Variants in PDE4B observed in about 807,000 individuals in gnomAD.
PDE4B encodes 3',5'-cyclic-AMP phosphodiesterase 4B.
Under a neutral mutation model 82.2 loss-of-function variants are expected in PDE4B, and 20 were observed. That is an observed-to-expected ratio of 0.24 (90% CI 0.17 to 0.35). The LOEUF is 0.35. PDE4B is among the 10% of genes least tolerant of loss of function. The probability of loss-of-function intolerance (pLI) is 1.00; values close to 1 mark genes in which losing one functional copy is unlikely to be tolerated. For missense variants in PDE4B, 655 were observed against 907.2 expected, an observed-to-expected ratio of 0.72 and a Z score of 3.57; for synonymous variants, 320 against 318.9, an observed-to-expected ratio of 1.00 and a Z score of -0.04.
At chr1:66,072,197 T>C (rs996251280) in intron 3 of PDE4B, among the ~76,000 whole-genome samples, 2 of 152,088 alleles carry the variant, frequency 1.3e-5, no homozygotes, top group African/African-American at 4.8e-5. Flanking sequence ...ATGAATACCA[T>C]GTAGGCTGCT....
At position 66,233,311 on chromosome 1, in the gene PDE4B, T is replaced by C. The variant is rs72641143; in HGVS notation, c.282-14149T>C. Among the ~76,000 whole-genome samples, 1,742 of 152,344 alleles carry C rather than the reference T, an allele frequency of 0.011. 61 individuals carry two copies. In the East Asian group the frequency reaches 0.12, roughly 10 times the overall value. Reference sequence around the variant, plus strand: ...TCCATGTTACGGCAGTTGTCAGTAGTGCATTCTTATTTATTGCTAAGTGGT... The same window carrying C: ...TCCATGTTACGGCAGTTGTCAGTAGCGCATTCTTATTTATTGCTAAGTGGT... On this transcript the variant is annotated intron_variant, in intron 3 of 16. Transcript: ENST00000341517.
intron 7 of PDE4B, among the ~76,000 whole-genome samples, chr1:66,290,046 G>A (rs1204913685): frequency 6.6e-6 from 1 of 152,146 alleles, no homozygotes; most frequent in Non-Finnish European, 1.5e-5. Flanking sequence ...TTAAAAGAGG[G>A]AACATTGAAA....
intron 1 of PDE4B, among the ~76,000 whole-genome samples, chr1:65,852,096 G>A (rs1446258983): frequency 2.6e-5 from 4 of 151,414 alleles, no homozygotes; most frequent in African/African-American, 9.7e-5. Context: ...TCCCTTTTTT[G>A]TTTAGTGCTG....
At chr1:66,118,906 C>A (rs1421918703) in intron 3 of PDE4B, among the ~76,000 whole-genome samples, 1 of 151,910 alleles carries the variant, frequency 6.6e-6, no homozygotes, top group Non-Finnish European at 1.5e-5. Context: ...TTCAAAATCA[C>A]CTCAAATGTT....
intron 3 of PDE4B, among the ~76,000 whole-genome samples, chr1:66,035,959 T>G (rs1279041372): frequency 6.6e-6 from 1 of 152,194 alleles, no homozygotes; most frequent in East Asian, 1.9e-4. Context: ...TACAGTAGCA[T>G]CAATAATATA....
intron 3 of PDE4B, among the ~76,000 whole-genome samples, chr1:65,975,632 G>A (rs1557470872): frequency 6.6e-6 from 1 of 152,188 alleles, no homozygotes; most frequent in African/African-American, 2.4e-5. Flanking sequence ...GGGAAAAATG[G>A]TTTTGTGGAC....
chr1:65,843,816 A>T (rs1484242186), intron 1 of PDE4B, among the ~76,000 whole-genome samples: 1 of 152,142 alleles, frequency 6.6e-6, no homozygotes, highest in African/African-American at 2.4e-5. Flanking sequence ...CTTTTGGTTA[A>T]ATATAATTAT....
chr1:66,148,942 A>G (rs908398200), intron 3 of PDE4B, among the ~76,000 whole-genome samples: 2 of 152,210 alleles, frequency 1.3e-5, no homozygotes, highest in Non-Finnish European at 2.9e-5. Flanking sequence ...GTTTTTGACT[A>G]TCATGAACAA....
chr1:65,905,056 T>G (rs1343735573), intron 1 of PDE4B, among the ~76,000 whole-genome samples: 1 of 152,150 alleles, frequency 6.6e-6, no homozygotes, highest in African/African-American at 2.4e-5. Flanking sequence ...CTCAAGCCTA[T>G]CTAGTCTACT....
chr1:66,311,045 A>T (rs1658632588), intron 7 of PDE4B, among the ~76,000 whole-genome samples: 1 of 152,192 alleles, frequency 6.6e-6, no homozygotes, highest in South Asian at 2.1e-4. Context: ...TTAATTTTGT[A>T]TCCATGGGAT....
chr1:66,286,258 T>C (rs1656665837), intron 7 of PDE4B, among the ~76,000 whole-genome samples: 1 of 152,186 alleles, frequency 6.6e-6, no homozygotes, highest in Non-Finnish European at 1.5e-5. Flanking sequence ...ACTTTTTGTA[T>C]GTTTTGTTTT....
At chr1:65,887,223 TTTC>T (rs1295593496) in intron 1 of PDE4B, among the ~76,000 whole-genome samples, 695 of 22,936 alleles carry the variant, frequency 0.03, 10 homozygotes, top group African/African-American at 0.087. Context: ...TCTTTCTTTC[TTTC>T]TTTCTTTCTT....
chr1:66,105,374 G>A (rs545120848), intron 3 of PDE4B, among the ~76,000 whole-genome samples: 2 of 152,090 alleles, frequency 1.3e-5, no homozygotes, highest in Admixed American at 1.3e-4. Context: ...CAGGTAGCGT[G>A]ATGCCTCCAG....
intron 1 of PDE4B, among the ~76,000 whole-genome samples, chr1:65,818,777 A>G (rs1440533593): frequency 6.6e-6 from 1 of 151,800 alleles, no homozygotes; most frequent in Non-Finnish European, 1.5e-5. Context: ...ATGTTATTAT[A>G]CAGGTAAAGA....
intron 7 of PDE4B, among the ~76,000 whole-genome samples, chr1:66,328,464 T>G (rs1570700548): frequency 6.6e-6 from 1 of 152,226 alleles, no homozygotes; most frequent in East Asian, 1.9e-4. Context: ...ATGTAACCTG[T>G]TGGGTTGCAC....
chr1:66,093,435 G>A (rs1448287733), intron 3 of PDE4B, among the ~76,000 whole-genome samples: 1 of 151,872 alleles, frequency 6.6e-6, no homozygotes, highest in East Asian at 1.9e-4. Flanking sequence ...AGTGAGGCTG[G>A]GATTAAAATC....
intron 3 of PDE4B, among the ~76,000 whole-genome samples, chr1:66,111,396 T>C (rs941046052): frequency 6.6e-6 from 1 of 152,082 alleles, no homozygotes. Context: ...CTGAAACTCT[T>C]TACCCATTAA....
At chr1:66,045,796 A>G (rs1401404481) in intron 3 of PDE4B, among the ~76,000 whole-genome samples, 1 of 151,830 alleles carries the variant, frequency 6.6e-6, no homozygotes, top group Non-Finnish European at 1.5e-5. Flanking sequence ...GACTAAGAAT[A>G]TGGGAATGAA....
intron 1 of PDE4B, among the ~76,000 whole-genome samples, chr1:65,884,522 A>G (rs1474904658): frequency 2.6e-5 from 4 of 152,298 alleles, no homozygotes; most frequent in African/African-American, 7.2e-5. Context: ...ATATAGACCA[A>G]TGGAACAGAA....
Sources: gnomAD v4.1 joint callset for allele counts (sites outside exome capture counted in the v4.1 genomes callset) on GRCh38, gnomAD v4.1.1 for gene constraint, MANE v1.5 for transcripts, NCBI Gene and HGNC (gene_info 2026-07-23, HGNC 2026-07-21) for gene names.